The following OSBPL1A variants were observed in gnomAD, a reference collection of about 807,000 sequenced individuals.
OSBPL1A encodes the protein oxysterol binding protein like 1A, also known as oxysterol-binding protein-related protein 1.
Under a neutral mutation model 137.1 loss-of-function variants are expected in OSBPL1A, and 80 were observed. The observed-to-expected ratio is 0.58, with a 90% confidence interval of 0.49 to 0.70. OSBPL1A has a LOEUF of 0.70. Among genes scored for constraint, OSBPL1A ranks in the 30% least tolerant of loss-of-function variants. OSBPL1A has a pLI of 0.00. For synonymous variants in OSBPL1A, 365 were observed against 389.7 expected (o/e 0.94, Z 0.75); for missense variants, 970 against 1,129.4 (o/e 0.86, Z 2.02).
intron 7 of OSBPL1A, chr18:24,321,567 G>A (rs1167298299): frequency 4.7e-6 from 2 of 426,346 alleles, no homozygotes; most frequent in South Asian, 1.8e-5. Context: ...GGGATTACAG[G>A]TGTGAGCTAC....
intron 18 of OSBPL1A, among the ~76,000 whole-genome samples, chr18:24,185,096 A>T (rs1599454401): frequency 6.6e-6 from 1 of 152,246 alleles, no homozygotes; most frequent in East Asian, 1.9e-4. Context: ...ACTGTATGAC[A>T]TTCTGGATAA....
At chr18:24,344,454 A>AAAAAT (rs534563770) in intron 4 of OSBPL1A, among the ~76,000 whole-genome samples, 32 of 152,346 alleles carry the variant, frequency 2.1e-4, no homozygotes, top group Middle Eastern at 3.4e-3. Flanking sequence ...TTCTGTCTCA[A>AAAAAT]AAAATAAAAT....
chr18:24,355,205 T>G (rs1326855165), intron 4 of OSBPL1A, among the ~76,000 whole-genome samples: 1 of 151,924 alleles, frequency 6.6e-6, no homozygotes, highest in Non-Finnish European at 1.5e-5. Context: ...GACTTCATAC[T>G]ACAGCCAATC....
rs1245176903 is a variant in OSBPL1A, at chr18:24,175,125, TATATATATATACAC to T, written c.2094-2656_2094-2643del. ...ATGTGTATGTATATATATATATATA[TATATATATATACAC>T]ATATATATATATATATGAAGTATCT... On this transcript the variant is annotated intron_variant, in intron 21 of 27. Coordinates refer to ENST00000319481, the MANE Select transcript of OSBPL1A (RefSeq NM_080597.4). Among the ~76,000 whole-genome samples, 10 of 130,904 alleles carry T rather than the reference TATATATATATACAC, an allele frequency of 7.6e-5. No homozygotes were observed. In the South Asian group the frequency reaches 1.5e-3, roughly 20 times the overall value. 85.9% of individuals were successfully genotyped at this position (130,904 alleles called of 152,430 possible).
intron 27 of OSBPL1A, among the ~76,000 whole-genome samples, chr18:24,163,787 C>T (rs1599414796): frequency 6.6e-6 from 1 of 151,418 alleles, no homozygotes; most frequent in Admixed American, 6.6e-5. Context: ...GGCTGGAGTG[C>T]GATGGTGCAC....
intron 19 of OSBPL1A, 34 bp downstream of exon 19, chr18:24,181,111 T>TAAG: frequency 6.2e-7 from 1 of 1,604,970 alleles, no homozygotes; most frequent in Non-Finnish European, 8.5e-7. Flanking sequence ...GCAAGGTCTC[T>TAAG]AAGAGTTAGA....
intron 2 of OSBPL1A, among the ~76,000 whole-genome samples, chr18:24,376,004 C>T (rs1906093842): frequency 6.6e-6 from 1 of 152,106 alleles, no homozygotes; most frequent in Non-Finnish European, 1.5e-5. Context: ...AAGCTGCAGA[C>T]CTTCGCAGTG....
At chr18:24,370,310 C>T (rs542532932) in intron 2 of OSBPL1A, among the ~76,000 whole-genome samples, 4 of 152,344 alleles carry the variant, frequency 2.6e-5, no homozygotes, top group South Asian at 2.1e-4. Flanking sequence ...TGTCATTAAG[C>T]CAAAGCTCTT....
rs1210137739 is a variant in OSBPL1A at position 24,178,088 on chromosome 18, A to G, written c.2018T>C (p.Ile673Thr). ...CCCCCAGAATTTCAGTTTGGGATAG[A>G]TAGAGCCATGAAAGATGAAGTCATT... is the stretch of plus-strand genomic sequence containing the variant. ...LNNDFIFHGS[I>T]YPKLKFWGKS... The change falls in exon 21 of 28, where the codon ATC (isoleucine) becomes ACC (threonine). Residue 673 changes from isoleucine to threonine, a missense_variant. Ile to Thr is a moderately conservative substitution (Grantham distance 89, BLOSUM62 -1). Transcript: ENST00000319481. 6.2e-6 allele frequency: 10 copies of G among 1,613,820 alleles called. No homozygotes were observed. Among genetic ancestry groups the G allele is most frequent in the Non-Finnish European group, 7.6e-6 (9 of 1,179,896 alleles).
chr18:24,193,564 G>C (rs550987312), intron 18 of OSBPL1A, among the ~76,000 whole-genome samples: 1 of 151,686 alleles, frequency 6.6e-6, no homozygotes, highest in Non-Finnish European at 1.5e-5. Flanking sequence ...CTGTCGCTTA[G>C]TGCTTATACC....
chr18:24,350,922 G>A (rs915256226), intron 4 of OSBPL1A, among the ~76,000 whole-genome samples: 1 of 152,098 alleles, frequency 6.6e-6, no homozygotes, highest in African/African-American at 2.4e-5. Context: ...GGAAGACATG[G>A]GGCCCAGGAA....
intron 14 of OSBPL1A, among the ~76,000 whole-genome samples, chr18:24,285,449 T>A (rs1650732788): frequency 6.6e-6 from 1 of 152,204 alleles, no homozygotes; most frequent in South Asian, 2.1e-4. Flanking sequence ...GGTTGGTTGA[T>A]TAGGGCAGAT....
At chr18:24,210,042 A>G (rs1255155181) in intron 17 of OSBPL1A, among the ~76,000 whole-genome samples, 1 of 152,234 alleles carries the variant, frequency 6.6e-6, no homozygotes, top group African/African-American at 2.4e-5. Context: ...GAAACAAACA[A>G]AAAGAAACTA....
rs180811742 is a variant in OSBPL1A, at chr18:24,355,426, G to A, written c.282+11466C>T. Reference sequence around the variant, plus strand: ...GTGAGGCAGGAGATCATTTGAACCCGGGAGGCGGAGGTTGCAGTGAGCTGA... The same window carrying A: ...GTGAGGCAGGAGATCATTTGAACCCAGGAGGCGGAGGTTGCAGTGAGCTGA... On this transcript the variant is annotated intron_variant, in intron 4 of 27. Coordinates refer to ENST00000319481, the MANE Select transcript of OSBPL1A (RefSeq NM_080597.4). Among the ~76,000 whole-genome samples, 196 of 151,780 alleles carry A rather than the reference G, an allele frequency of 1.3e-3. 2 individuals are homozygous for A. Among genetic ancestry groups the A allele is most frequent in the African/African-American group, 3.8e-3 (158 of 41,388 alleles).
chr18:24,194,109 A>G (rs1431155395), intron 18 of OSBPL1A, among the ~76,000 whole-genome samples: 1 of 152,246 alleles, frequency 6.6e-6, no homozygotes, highest in East Asian at 1.9e-4. Context: ...AGGAGAGAGC[A>G]GGAGAAAGGA....
At chr18:24,184,917 TC>T (rs1051034830) in intron 18 of OSBPL1A, among the ~76,000 whole-genome samples, 58 of 152,154 alleles carry the variant, frequency 3.8e-4, no homozygotes, top group African/African-American at 1.3e-3. Context: ...AAGACAAAGG[TC>T]TTGCTTAATA....
intron 15 of OSBPL1A, among the ~76,000 whole-genome samples, chr18:24,274,382 G>A (rs576592524): frequency 3.3e-5 from 5 of 152,222 alleles, no homozygotes; most frequent in East Asian, 1.9e-4. Flanking sequence ...TTTGAGACAC[G>A]TTGGTTTTGA....
At chr18:24,289,640 C>T (rs576823702) in intron 14 of OSBPL1A, among the ~76,000 whole-genome samples, 13 of 152,006 alleles carry the variant, frequency 8.6e-5, no homozygotes, top group Non-Finnish European at 1.3e-4. Context: ...AGGCTGGTCT[C>T]GAACTCCTGA....
intron 14 of OSBPL1A, among the ~76,000 whole-genome samples, chr18:24,299,167 A>AT (rs71163671): frequency 1.3e-5 from 2 of 151,984 alleles, no homozygotes; most frequent in South Asian, 2.1e-4. Context: ...TTGGTTTGTG[A>AT]TTTTTTTATC....
Sources: gnomAD v4.1 joint callset for allele counts (sites outside exome capture counted in the v4.1 genomes callset) on GRCh38, gnomAD v4.1.1 for gene constraint, MANE v1.5 for transcripts, NCBI Gene and HGNC (gene_info 2026-07-23, HGNC 2026-07-21) for gene names.